The following RCAN2 variants were observed in gnomAD, a reference collection of about 807,000 sequenced individuals.
RCAN2 encodes calcipressin-2.
A neutral mutation model predicts 23.6 loss-of-function variants in RCAN2; 9 were observed. That is an observed-to-expected ratio of 0.38 (90% CI 0.23 to 0.67). RCAN2 has a LOEUF of 0.67. RCAN2 is among the 30% of genes least tolerant of loss of function. The pLI, the probability that RCAN2 is intolerant of heterozygous loss-of-function variation, is 0.51. For missense variants in RCAN2, 273 were observed against 302.3 expected (o/e 0.90, Z 0.72); for synonymous variants, 109 against 115.7 (o/e 0.94, Z 0.37).
chr6:46,483,427 T>C lies in RCAN2; in HGVS notation c.-3+7746A>G, dbSNP rs542863759. ...CCTCCCAGTGTGATTACAAACAGAA[T>C]GGGAAGGAAATCTCCTCTCCCCACC... On this transcript the variant is annotated intron_variant, in intron 1 of 4. Transcript: ENST00000371374. Among the ~76,000 whole-genome samples, 50 of 152,192 alleles carry C rather than the reference T, an allele frequency of 3.3e-4. No individual in the cohort carries two copies. The Middle Eastern group carries it at 0.014, about 41-fold the overall frequency.
intron 2 of RCAN2, among the ~76,000 whole-genome samples, chr6:46,269,224 T>C (rs562287539): frequency 6.6e-6 from 1 of 152,378 alleles, no homozygotes; most frequent in Middle Eastern, 3.4e-3. Context: ...TTCCATATTT[T>C]CCATCTCTTT....
At chr6:46,323,450 T>C (rs148059036) in intron 2 of RCAN2, among the ~76,000 whole-genome samples, 1 of 151,532 alleles carries the variant, frequency 6.6e-6, no homozygotes, top group African/African-American at 2.4e-5. Context: ...TAAATACATG[T>C]AGCACATATT....
Position 46,248,707 on chromosome 6 carries a change from T to C in RCAN2, c.399+16A>G, listed in dbSNP as rs750809841. ...TGTAGGGCAAAAAGAATAACTTTGG[T>C]AAACAATTACCTTACCTGTGCAAAG... On this transcript the variant is annotated intron_variant, in intron 3 of 4. Coordinates refer to ENST00000371374, the MANE Select transcript of RCAN2 (RefSeq NM_001251974.2). 5 of 1,551,844 alleles carry C rather than the reference T, an allele frequency of 3.2e-6. No homozygotes were observed. Among genetic ancestry groups the C allele is most frequent in the South Asian group, 2.4e-5 (2 of 82,478 alleles).
At position 46,314,953 on chromosome 6, in the gene RCAN2, C is replaced by T. The variant is rs186792165; in HGVS notation, c.226-66057G>A. On this transcript the variant is annotated intron_variant, in intron 2 of 4. Transcript: ENST00000371374. ...GTGTGTACTTCTAGTCTCAGCTACC[C>T]GGGAGGCTGAGATGGAAGCATCACT... is the stretch of plus-strand genomic sequence containing the variant. Among the ~76,000 whole-genome samples the T allele has an allele frequency of 3.7e-4, 56 of 152,158 alleles. 2 individuals carry two copies. The East Asian group carries it at 0.01, about 28-fold the overall frequency.
At chr6:46,399,453 C>A (rs1766187353) in intron 2 of RCAN2, among the ~76,000 whole-genome samples, 1 of 150,558 alleles carries the variant, frequency 6.6e-6, no homozygotes, top group Non-Finnish European at 1.5e-5. Flanking sequence ...ACAGGGGGAA[C>A]TGCAGGCAAG....
At chr6:46,251,141 G>T (rs1022766387) in intron 2 of RCAN2, among the ~76,000 whole-genome samples, 4 of 152,138 alleles carry the variant, frequency 2.6e-5, no homozygotes, top group African/African-American at 7.2e-5. Flanking sequence ...AACAAAACAA[G>T]AATTTTTCCT....
At chr6:46,455,052 GGAT>G (rs1356430872) in intron 2 of RCAN2, among the ~76,000 whole-genome samples, 1 of 152,202 alleles carries the variant, frequency 6.6e-6, no homozygotes, top group Non-Finnish European at 1.5e-5. Flanking sequence ...TTAGAGAAAT[GGAT>G]GATATGATGA....
At chr6:46,381,472 A>T (rs1765615497) in intron 2 of RCAN2, among the ~76,000 whole-genome samples, 1 of 152,200 alleles carries the variant, frequency 6.6e-6, no homozygotes, top group African/African-American at 2.4e-5. Flanking sequence ...TGAACAGGAG[A>T]TGAGCTATAT....
intron 2 of RCAN2, among the ~76,000 whole-genome samples, chr6:46,451,550 C>T (rs540062799): frequency 3.3e-5 from 5 of 152,162 alleles, no homozygotes; most frequent in East Asian, 1.9e-4. Flanking sequence ...AAGTAAACAT[C>T]GACATTCTCC....
intron 2 of RCAN2, among the ~76,000 whole-genome samples, chr6:46,447,922 T>C (rs1767762139): frequency 6.6e-6 from 1 of 151,250 alleles, no homozygotes; most frequent in East Asian, 1.9e-4. Flanking sequence ...CATAACATCA[T>C]ACCACAAGGA....
In RCAN2 at chr6:46,287,960, C is replaced by T. The variant is rs573787300; in HGVS notation, c.226-39064G>A. ...GTAAACGACAAAGAATAATACGACC[C>T]GAGGATATTAATGTCTATCCTTCCC... On this transcript the variant is annotated intron_variant, in intron 2 of 4. Coordinates refer to ENST00000371374, the MANE Select transcript of RCAN2 (RefSeq NM_001251974.2). 8.5e-4 allele frequency among the ~76,000 whole-genome samples: 130 copies of T among 152,282 alleles called. 1 individual carries two copies. The Middle Eastern group carries it at 0.01, about 12-fold the overall frequency.
At chr6:46,425,479 A>G (rs1767005524) in intron 2 of RCAN2, among the ~76,000 whole-genome samples, 1 of 152,172 alleles carries the variant, frequency 6.6e-6, no homozygotes, top group Non-Finnish European at 1.5e-5. Flanking sequence ...GATCTTAGTA[A>G]CCCCCAGGAA....
intron 1 of RCAN2, among the ~76,000 whole-genome samples, chr6:46,467,749 C>T (rs1169764311): frequency 6.6e-6 from 1 of 152,246 alleles, no homozygotes; most frequent in Non-Finnish European, 1.5e-5. Context: ...TGTTACACAT[C>T]TTACCATTCT....
At chr6:46,343,087 C>T (rs555161757) in intron 2 of RCAN2, among the ~76,000 whole-genome samples, 1 of 152,094 alleles carries the variant, frequency 6.6e-6, no homozygotes, top group South Asian at 2.1e-4. Context: ...ATAACCACAC[C>T]TAGATGTGTC....
chr6:46,332,391 G>A (rs1486139509), intron 2 of RCAN2, among the ~76,000 whole-genome samples: 1 of 151,696 alleles, frequency 6.6e-6, no homozygotes, highest in African/African-American at 2.4e-5. Context: ...CATGTGCCAT[G>A]CGGGTGTGCT....
intron 2 of RCAN2, among the ~76,000 whole-genome samples, chr6:46,357,412 G>A (rs2150381467): frequency 6.6e-6 from 1 of 152,226 alleles, no homozygotes; most frequent in South Asian, 2.1e-4. Context: ...CTTAGATATG[G>A]GTAAGTTATT....
At chr6:46,360,656 A>G (rs1764983691) in intron 2 of RCAN2, among the ~76,000 whole-genome samples, 1 of 152,174 alleles carries the variant, frequency 6.6e-6, no homozygotes, top group South Asian at 2.1e-4. Context: ...AGGATAAAAG[A>G]CAGCAGAGGC....
intron 2 of RCAN2, among the ~76,000 whole-genome samples, chr6:46,405,506 C>T (rs1194956711): frequency 6.6e-6 from 1 of 152,138 alleles, no homozygotes; most frequent in African/African-American, 2.4e-5. Context: ...CTCCACGTCC[C>T]CATCAGATTA....
intron 2 of RCAN2, among the ~76,000 whole-genome samples, chr6:46,310,968 A>C (rs1204421701): frequency 6.6e-6 from 1 of 152,222 alleles, no homozygotes; most frequent in East Asian, 1.9e-4. Context: ...GGTATTTTCA[A>C]TATCAAAATT....
Sources: gnomAD v4.1 joint callset for allele counts (sites outside exome capture counted in the v4.1 genomes callset) on GRCh38, gnomAD v4.1.1 for gene constraint, MANE v1.5 for transcripts, NCBI Gene and HGNC (gene_info 2026-07-23, HGNC 2026-07-21) for gene names.